Variants in IGSF10 observed in about 807,000 individuals in gnomAD.
The protein encoded by IGSF10 is immunoglobulin superfamily member 10.
Under a neutral mutation model 128.2 loss-of-function variants are expected in IGSF10, and 126 were observed. The ratio of observed to expected loss-of-function variants is 0.98; its 90% CI spans 0.85 to 1.14. The LOEUF (loss-of-function observed/expected upper bound fraction) is 1.14, where lower values mean the gene tolerates loss of function less well. Among genes scored for constraint, IGSF10 ranks in the 50% most tolerant of loss-of-function variants. The pLI is 0.00. For missense variants in IGSF10, 3,295 were observed against 3,149.8 expected, an observed-to-expected ratio of 1.05 and a Z score of -1.10; for synonymous variants, 1,185 against 1,146.2, an observed-to-expected ratio of 1.03 and a Z score of -0.68.
chr3:151,590,516 G>A, the IGSF10 span, among the ~76,000 whole-genome samples: 2 of 152,102 alleles, frequency 1.3e-5, no homozygotes, highest in African/African-American at 4.8e-5. Flanking sequence ...ACATTTAGTG[G>A]AGTGCAAACA....
At chr3:151,612,272 C>T in the IGSF10 span, among the ~76,000 whole-genome samples, 8 of 152,172 alleles carry the variant, frequency 5.3e-5, no homozygotes, top group Non-Finnish European at 8.8e-5. Flanking sequence ...CATTTCCTGT[C>T]TTATTCAAGC....
the IGSF10 span, among the ~76,000 whole-genome samples, chr3:151,486,134 AC>A: frequency 4.0e-5 from 6 of 151,094 alleles, no homozygotes; most frequent in South Asian, 2.1e-4. Context: ...AAAGCAAAAA[AC>A]AAAACAAAAC....
chr3:151,459,281 T>G (rs1721944487), intron 2 of IGSF10, among the ~76,000 whole-genome samples: 1 of 152,258 alleles, frequency 6.6e-6, no homozygotes, highest in Admixed American at 6.5e-5. Context: ...TACGTGTATA[T>G]GTGTACATGT....
chr3:151,568,892 T>C, the IGSF10 span, among the ~76,000 whole-genome samples: 1 of 152,080 alleles, frequency 6.6e-6, no homozygotes, highest in South Asian at 2.1e-4. Context: ...GAAAGAAACT[T>C]AATATAGGGA....
At chr3:151,564,050 T>C in the IGSF10 span, among the ~76,000 whole-genome samples, 1 of 152,158 alleles carries the variant, frequency 6.6e-6, no homozygotes, top group Non-Finnish European at 1.5e-5. Context: ...AAACACATCT[T>C]TGCTCGCTTC....
Position 151,447,631 on chromosome 3 carries a change from T to C in IGSF10, c.2350A>G (p.Thr784Ala). ...TCACCAGGTATGTTTGGGAGTTGGG[T>C]GACCACTGGGGGTGGGCTCACTGTG... ...NTTVSPPPVV[T>A]QLPNIPGEED... The change falls in exon 6 of 8, where the codon ACC (threonine) becomes GCC (alanine). Residue 784 changes from threonine to alanine, a missense_variant. Physicochemically the swap from Thr to Ala is moderately conservative, Grantham distance 58. Transcript: ENST00000282466. The C allele has an allele frequency of 6.2e-7, 1 of 1,614,130 alleles. No homozygotes were observed. The highest frequency in any genetic ancestry group is 8.5e-7 in the Non-Finnish European group (1 of 1,180,010).
the IGSF10 span, among the ~76,000 whole-genome samples, chr3:151,475,067 A>T: frequency 6.6e-6 from 1 of 152,280 alleles, no homozygotes; most frequent in Admixed American, 6.5e-5. Flanking sequence ...TGATAGTCAC[A>T]GTAATAGCCC....
chr3:151,566,679 A>G, the IGSF10 span, among the ~76,000 whole-genome samples: 2 of 152,216 alleles, frequency 1.3e-5, no homozygotes, highest in South Asian at 2.1e-4. Flanking sequence ...TCCACCAACC[A>G]CTGGGAGCCA....
At chr3:151,558,027 A>ATTATATATATATAAAATATATATATAT in the IGSF10 span, among the ~76,000 whole-genome samples, 1 of 52,932 alleles carries the variant, frequency 1.9e-5, no homozygotes, top group Non-Finnish European at 3.4e-5. Flanking sequence ...TAATATATAT[A>ATTATATATATATAAAATATATATATAT]TTGGTACAAT....
At chr3:151,603,218 G>A in the IGSF10 span, among the ~76,000 whole-genome samples, 9 of 152,172 alleles carry the variant, frequency 5.9e-5, no homozygotes, top group Non-Finnish European at 1.5e-5. Flanking sequence ...AAAACAGAAG[G>A]CCTCACTGTG....
chr3:151,440,315 C>T (rs530553358), intron 7 of IGSF10, among the ~76,000 whole-genome samples: 17 of 152,296 alleles, frequency 1.1e-4, no homozygotes, highest in Non-Finnish European at 1.8e-4. Flanking sequence ...CAGGCGTGAA[C>T]CACCACACCC....
At chr3:151,572,259 C>A in the IGSF10 span, among the ~76,000 whole-genome samples, 1 of 152,194 alleles carries the variant, frequency 6.6e-6, no homozygotes, top group Admixed American at 6.5e-5. Flanking sequence ...AGGATTCTCT[C>A]TTTTTCTATT....
the IGSF10 span, among the ~76,000 whole-genome samples, chr3:151,568,508 A>T: frequency 9.2e-5 from 14 of 152,252 alleles, no homozygotes; most frequent in Non-Finnish European, 1.2e-4. Context: ...TTGATTTATA[A>T]TATCTCCCTA....
the IGSF10 span, among the ~76,000 whole-genome samples, chr3:151,525,048 G>A: frequency 6.7e-4 from 52 of 77,246 alleles, no homozygotes; most frequent in East Asian, 8.6e-4. Context: ...TTTTTTTAAA[G>A]AGAGCCTTGC....
rs35070766 is a variant in IGSF10 at position 151,450,895 on chromosome 3, C to CAAAAA, written c.716-1635_716-1631dup. 3.0e-3 allele frequency among the ~76,000 whole-genome samples: 167 copies of CAAAAA among 55,374 alleles called. 4 individuals are homozygous for CAAAAA. Among genetic ancestry groups the CAAAAA allele is most frequent in the African/African-American group, 0.011 (143 of 12,438 alleles). 36.3% of individuals were successfully genotyped at this position (55,374 alleles called of 152,430 possible). A position where few individuals can be genotyped will look rare whatever the true frequency, so the allele number is the denominator to read the frequency against. On this transcript the variant is annotated intron_variant, in intron 5 of 7. Transcript: ENST00000282466. The stretch of plus-strand genomic sequence containing the variant: ...GGGCAACAAGAGCAAAACTCTGTCT[C>CAAAAA]AAAAAAAAAAAAAAAAAAAAAAAGA...
At chr3:151,605,136 A>G in the IGSF10 span, among the ~76,000 whole-genome samples, 1 of 152,236 alleles carries the variant, frequency 6.6e-6, no homozygotes, top group Non-Finnish European at 1.5e-5. Context: ...GAGTTTAAAC[A>G]AGAAGGAAGA....
chr3:151,574,286 C>T, the IGSF10 span, among the ~76,000 whole-genome samples: 1 of 152,194 alleles, frequency 6.6e-6, no homozygotes, highest in Non-Finnish European at 1.5e-5. Context: ...TGGGGAAGTT[C>T]TCCTGGATAA....
chr3:151,435,319 C>G (rs1489690908), downstream of IGSF10: 1 of 150,290 alleles, frequency 6.7e-6, no homozygotes, highest in South Asian at 2.1e-4. Flanking sequence ...TAGGCTTTTT[C>G]TTAATAGGGT....
chr3:151,477,434 G>T, the IGSF10 span, among the ~76,000 whole-genome samples: 1 of 152,094 alleles, frequency 6.6e-6, no homozygotes, highest in Admixed American at 6.6e-5. Flanking sequence ...CTTAGGGGAG[G>T]TGTCTTGGAT....
Sources: allele counts gnomAD v4.1 joint callset (sites outside exome capture counted in the v4.1 genomes callset), GRCh38; gene constraint gnomAD v4.1.1; transcripts MANE v1.5; gene names NCBI Gene and HGNC (gene_info 2026-07-23, HGNC 2026-07-21).